The following FUT8 variants were observed in gnomAD, a reference collection of about 807,000 sequenced individuals.
FUT8 encodes the protein alpha-(1,6)-fucosyltransferase.
In FUT8, 29 loss-of-function variants were observed where a neutral mutation model predicts 71.3. The observed-to-expected ratio is 0.41, with a 90% CI of 0.30 to 0.55. FUT8 has a LOEUF of 0.55. Ranked by LOEUF, FUT8 falls within the 20% of genes least tolerant of loss-of-function variation. The probability of loss-of-function intolerance (pLI) is 0.34; values close to 1 mark genes in which losing one functional copy is unlikely to be tolerated. For missense variants in FUT8, 544 were observed against 702.1 expected, an observed-to-expected ratio of 0.77 and a Z score of 2.55; for synonymous variants, 254 against 239.3, an observed-to-expected ratio of 1.06 and a Z score of -0.57.
In FUT8 at chr14:65,652,406, A is replaced by G. The variant is rs376579958; in HGVS notation, c.598-16837A>G. ...TTTCTGATAAAAATGGAGAGCACATAAGAAAAAAACTTTTAGTGTACTTCT... is the reference window on the plus strand; with the variant it reads ...TTTCTGATAAAAATGGAGAGCACATGAGAAAAAAACTTTTAGTGTACTTCT... On this transcript the variant is annotated intron_variant, in intron 6 of 10. Transcript: ENST00000673929. The surrounding 1 kb of genome is among the most constrained non-coding windows in gnomAD (Gnocchi z 4.0). 7.2e-5 allele frequency among the ~76,000 whole-genome samples: 11 copies of G among 152,334 alleles called. No homozygotes were observed. The South Asian group carries it at 2.3e-3, about 32-fold the overall frequency.
At chr14:65,494,581 C>T (rs1042226132) in intron 2 of FUT8, among the ~76,000 whole-genome samples, 17 of 151,986 alleles carry the variant, frequency 1.1e-4, no homozygotes, top group African/African-American at 3.1e-4. Flanking sequence ...GGAGGGGCAA[C>T]GTATTTTTTT....
At chr14:65,461,391 C>T (rs1470429057) in intron 2 of FUT8, among the ~76,000 whole-genome samples, 6 of 151,780 alleles carry the variant, frequency 4.0e-5, no homozygotes, top group East Asian at 2.0e-4. Flanking sequence ...TATTTCTAGC[C>T]GTTACACATT....
intron 2 of FUT8, among the ~76,000 whole-genome samples, chr14:65,503,427 T>G (rs944530727): frequency 1.3e-5 from 2 of 152,246 alleles, no homozygotes; most frequent in African/African-American, 4.8e-5. Flanking sequence ...ACTGATGGCA[T>G]TTCTCTGCTT....
chr14:65,377,830 T>C, the FUT8 span, among the ~76,000 whole-genome samples: 1 of 151,688 alleles, frequency 6.6e-6, no homozygotes, highest in Admixed American at 6.6e-5. Context: ...TAAACAATGA[T>C]AGGGTGATGC....
At chr14:65,719,564 A>G (rs1458642626) in intron 7 of FUT8, among the ~76,000 whole-genome samples, 1 of 152,078 alleles carries the variant, frequency 6.6e-6, no homozygotes, top group Non-Finnish European at 1.5e-5. Flanking sequence ...AGTCTTCACA[A>G]TCTGAACTCT....
chr14:65,614,419 A>G (rs1889173946), intron 3 of FUT8, among the ~76,000 whole-genome samples: 1 of 152,190 alleles, frequency 6.6e-6, no homozygotes, highest in African/African-American at 2.4e-5. Context: ...TTAATTTCCT[A>G]TTGCTGCTTT....
At position 65,472,167 on chromosome 14, in the gene FUT8, G is replaced by T. The variant is rs766570807; in HGVS notation, c.-228+16449G>T. ...AGTATGGCACCAGGATCGGCTTGTA[G>T]TGAGGGCCTTAGGCTACTTCCACTG... is the stretch of plus-strand genomic sequence containing the variant. On this transcript the variant is annotated intron_variant, in intron 2 of 10. Transcript: ENST00000673929. The surrounding 1 kb of genome is among the most constrained non-coding windows in gnomAD (Gnocchi z 4.4). Among the ~76,000 whole-genome samples, 1 of 152,154 alleles carries T rather than the reference G, an allele frequency of 6.6e-6. No homozygotes were observed. Among genetic ancestry groups the T allele is most frequent in the African/African-American group, 2.4e-5 (1 of 41,432 alleles).
chr14:65,593,018 C>G (rs946637941), intron 3 of FUT8, among the ~76,000 whole-genome samples: 1 of 152,150 alleles, frequency 6.6e-6, no homozygotes, highest in Admixed American at 6.5e-5. Flanking sequence ...CCTCTGAGAT[C>G]ATGTAATGTA....
chr14:65,391,707 C>T, the FUT8 span, among the ~76,000 whole-genome samples: 24 of 151,492 alleles, frequency 1.6e-4, no homozygotes, highest in Admixed American at 1.1e-3. Context: ...AGGCTGGTCT[C>T]GAACTCCTGA....
At chr14:65,724,857 G>A (rs1258221928) in intron 9 of FUT8, among the ~76,000 whole-genome samples, 1 of 151,990 alleles carries the variant, frequency 6.6e-6, no homozygotes, top group Non-Finnish European at 1.5e-5. Context: ...CACATATAAG[G>A]ACACTAATCT....
intron 6 of FUT8, among the ~76,000 whole-genome samples, chr14:65,641,084 C>T (rs185686641): frequency 1.3e-5 from 2 of 152,138 alleles, no homozygotes; most frequent in South Asian, 2.1e-4. Context: ...TTGACGTATA[C>T]AGACACCCAT....
At chr14:65,676,629 C>G (rs1032764011) in intron 7 of FUT8, among the ~76,000 whole-genome samples, 4 of 142,802 alleles carry the variant, frequency 2.8e-5, no homozygotes, top group African/African-American at 5.2e-5. Flanking sequence ...TTCCCTCCTT[C>G]CCTTCCTTTC....
intron 3 of FUT8, among the ~76,000 whole-genome samples, chr14:65,583,477 A>G (rs1189753492): frequency 6.6e-6 from 1 of 152,180 alleles, no homozygotes; most frequent in African/African-American, 2.4e-5. Context: ...TAGAGATAAT[A>G]TTTTTTGTAG....
intron 2 of FUT8, among the ~76,000 whole-genome samples, chr14:65,551,388 G>A (rs1885274231): frequency 6.6e-6 from 1 of 152,166 alleles, no homozygotes; most frequent in Non-Finnish European, 1.5e-5. Flanking sequence ...AGGAAATGTA[G>A]GAGGGGGAAA....
chr14:65,551,128 CA>C (rs5809279), intron 2 of FUT8, among the ~76,000 whole-genome samples: 10,305 of 152,236 alleles, frequency 0.068, 632 homozygotes, highest in South Asian at 0.18. Flanking sequence ...CCTCCTTTGA[CA>C]TGGCTCATAG....
chr14:65,393,893 G>C, the FUT8 span, among the ~76,000 whole-genome samples: 1 of 152,190 alleles, frequency 6.6e-6, no homozygotes, highest in African/African-American at 2.4e-5. Context: ...AAGGCAAAAG[G>C]CATGTCTTAC....
At chr14:65,700,548 A>G (rs1427334054) in intron 7 of FUT8, among the ~76,000 whole-genome samples, 7 of 149,742 alleles carry the variant, frequency 4.7e-5, no homozygotes, top group Non-Finnish European at 8.9e-5. Flanking sequence ...CCGCCACCAC[A>G]CCTGGCTAGT....
intron 7 of FUT8, among the ~76,000 whole-genome samples, chr14:65,690,870 C>T (rs574070196): frequency 3.9e-5 from 6 of 152,112 alleles, no homozygotes; most frequent in Non-Finnish European, 5.9e-5. Flanking sequence ...GGATTACAGG[C>T]GTGTGCCACC....
chr14:65,442,709 G>T (rs1438010258), intron 1 of FUT8, among the ~76,000 whole-genome samples: 2 of 151,416 alleles, frequency 1.3e-5, no homozygotes, highest in Admixed American at 6.6e-5. Context: ...GGTGGTACTT[G>T]CCTGTGATCC....
Sources: gnomAD v4.1 joint callset for allele counts (sites outside exome capture counted in the v4.1 genomes callset) on GRCh38, gnomAD v4.1.1 for gene constraint, Gnocchi (gnomAD v3.1) non-coding constraint, MANE v1.5 for transcripts, NCBI Gene and HGNC (gene_info 2026-07-23, HGNC 2026-07-21) for gene names.